STIM1: variants seen among roughly 807,000 people sequenced by gnomAD.
The protein encoded by STIM1 is stromal interaction molecule 1.
A neutral mutation model predicts 74.7 loss-of-function variants in STIM1; 25 were observed. The ratio of observed to expected loss-of-function variants is 0.33; its 90% CI spans 0.24 to 0.47. The LOEUF (loss-of-function observed/expected upper bound fraction) is 0.47. Among genes scored for constraint, STIM1 ranks in the 20% least tolerant of loss-of-function variants. The pLI, the probability that STIM1 is intolerant of heterozygous loss-of-function variation, is 1.00. For missense variants in STIM1, 728 were observed against 920.8 expected (o/e 0.79, Z 2.71); for synonymous variants, 328 against 348.8 (o/e 0.94, Z 0.66).
chr11:4,006,070 A>T (rs1284173004), intron 2 of STIM1, among the ~76,000 whole-genome samples: 1 of 152,154 alleles, frequency 6.6e-6, no homozygotes, highest in East Asian at 1.9e-4. Flanking sequence ...TTGAATTGTA[A>T]TCCCCAGTGC....
chr11:4,038,622 G>T (rs1338839405), intron 3 of STIM1, among the ~76,000 whole-genome samples: 2 of 152,110 alleles, frequency 1.3e-5, no homozygotes, highest in African/African-American at 4.8e-5. Flanking sequence ...TTTCATATAT[G>T]TTGTCTTTTT....
At chr11:3,974,301 T>C (rs2093424855) in intron 2 of STIM1, 1 of 289,510 alleles carries the variant, frequency 3.5e-6, no homozygotes, top group African/African-American at 2.2e-5. Context: ...AAAAAGCCAT[T>C]CTCGTTTCTA....
rs112706563 is a variant in STIM1, at chr11:3,932,648, C to T, written c.140-34904C>T. 7.3e-3 allele frequency among the ~76,000 whole-genome samples: 834 copies of T among 114,928 alleles called. 2 individuals carry two copies. Among genetic ancestry groups the T allele is most frequent in the African/African-American group, 0.027 (798 of 29,772 alleles). The allele number at this position is 114,928 out of a possible 152,430, so 75.4% of individuals were successfully genotyped here. A position where few individuals can be genotyped will look rare whatever the true frequency, so the allele number is the denominator to read the frequency against. ...CTGCACTCCAGCCTGGGCAAGAGTG[C>T]AAGACTCTGTCTCAAAGGAAAAAAA... is the stretch of plus-strand genomic sequence containing the variant. On this transcript the variant is annotated intron_variant, in intron 1 of 12. Coordinates refer to ENST00000526596, the MANE Select transcript of STIM1 (RefSeq NM_001382567.1).
At chr11:3,904,721 G>C (rs975292758) in intron 1 of STIM1, among the ~76,000 whole-genome samples, 16 of 152,114 alleles carry the variant, frequency 1.1e-4, no homozygotes, top group Admixed American at 7.9e-4. Flanking sequence ...GAAGGAGGCA[G>C]TGTTAGGTGA....
chr11:3,958,966 AG>A (rs1423461773), intron 1 of STIM1, among the ~76,000 whole-genome samples: 1 of 151,094 alleles, frequency 6.6e-6, no homozygotes, highest in Non-Finnish European at 1.5e-5. Flanking sequence ...AAAAAAAAAA[AG>A]ACTTTACATT....
chr11:4,014,962 T>A (rs1307150778), intron 2 of STIM1, among the ~76,000 whole-genome samples: 2 of 152,202 alleles, frequency 1.3e-5, no homozygotes, highest in South Asian at 2.1e-4. Flanking sequence ...GTGAGATGGG[T>A]CTCCTGAATA....
intron 9 of STIM1, 77 bp downstream of exon 9, chr11:4,083,059 C>T (rs2094473629): frequency 6.7e-6 from 9 of 1,340,770 alleles, no homozygotes; most frequent in Middle Eastern, 1.8e-4. Flanking sequence ...GCCTCCAACA[C>T]CAATTCCATT....
rs2093637839 is a variant in STIM1 at position 3,993,908 on chromosome 11, G to C, written c.270+26226G>C. Among the ~76,000 whole-genome samples, 3 of 152,242 alleles carry C rather than the reference G, an allele frequency of 2.0e-5. No individual in the cohort carries two copies. In the South Asian group the frequency reaches 6.2e-4, roughly 32 times the overall value. On this transcript the variant is annotated intron_variant, in intron 2 of 12. Transcript: ENST00000526596. ...ATTGCCTAGAATATAAAGTTCATAA[G>C]GGAAAGGGATCTGTTTTGTTCACTG... is the stretch of plus-strand genomic sequence containing the variant.
At chr11:3,925,493 A>G (rs2092776661) in intron 1 of STIM1, among the ~76,000 whole-genome samples, 2 of 152,346 alleles carry the variant, frequency 1.3e-5, no homozygotes, top group South Asian at 4.1e-4. Flanking sequence ...TTTACCAATA[A>G]TATGTTCCTG....
chr11:4,003,642 G>C (rs2093744933), intron 2 of STIM1, among the ~76,000 whole-genome samples: 1 of 152,066 alleles, frequency 6.6e-6, no homozygotes, highest in African/African-American at 2.4e-5. Flanking sequence ...ATACTGAATG[G>C]GCAAAAACTG....
chr11:3,938,620 G>A (rs1177943140), intron 1 of STIM1, among the ~76,000 whole-genome samples: 1 of 152,120 alleles, frequency 6.6e-6, no homozygotes, highest in African/African-American at 2.4e-5. Context: ...GCTGAGGTGG[G>A]CACATCACCT....
At chr11:4,034,285 T>C (rs1476512390) in intron 3 of STIM1, among the ~76,000 whole-genome samples, 1 of 151,940 alleles carries the variant, frequency 6.6e-6, no homozygotes, top group Non-Finnish European at 1.5e-5. Flanking sequence ...TAATGTTGGC[T>C]GTGGGTTTTT....
Position 4,079,998 on chromosome 11 carries a change from C to T in STIM1, c.970-2186C>T, listed in dbSNP as rs75412689. On this transcript the variant is annotated intron_variant, in intron 7 of 12. Coordinates refer to ENST00000526596, the MANE Select transcript of STIM1 (RefSeq NM_001382567.1). ...TTTGGGAGGCAAAGGGCAGGCAGATCGCTTGAGCCCAGGAGTTTGAAACCA... is the reference window on the plus strand; with the variant it reads ...TTTGGGAGGCAAAGGGCAGGCAGATTGCTTGAGCCCAGGAGTTTGAAACCA... 6.8e-3 allele frequency among the ~76,000 whole-genome samples: 1,035 copies of T among 152,074 alleles called. 9 individuals carry two copies. The highest frequency in any genetic ancestry group is 0.017 in the Middle Eastern group (5 of 294).
intron 1 of STIM1, among the ~76,000 whole-genome samples, chr11:3,890,937 C>T (rs2091875750): frequency 6.6e-6 from 1 of 152,220 alleles, no homozygotes; most frequent in Admixed American, 6.5e-5. Flanking sequence ...GAGCTCTAAA[C>T]TTGTAAAAGA....
chr11:4,061,801 T>C (rs544664978), intron 5 of STIM1, among the ~76,000 whole-genome samples: 1 of 152,370 alleles, frequency 6.6e-6, no homozygotes, highest in African/African-American at 2.4e-5. Flanking sequence ...ATTATTCACC[T>C]ATAAATGGAA....
intron 1 of STIM1, among the ~76,000 whole-genome samples, chr11:3,966,750 A>C (rs2093344088): frequency 6.6e-6 from 1 of 152,206 alleles, no homozygotes; most frequent in African/African-American, 2.4e-5. Context: ...AGCTAAGCCT[A>C]GATTTCAGGC....
intron 1 of STIM1, among the ~76,000 whole-genome samples, chr11:3,912,103 C>T (rs1166160033): frequency 6.6e-6 from 1 of 151,534 alleles, no homozygotes. Context: ...CCATTCCCTT[C>T]TCCTTTCCCT....
chr11:3,995,350 TG>T (rs1461771250), intron 2 of STIM1, among the ~76,000 whole-genome samples: 1 of 152,212 alleles, frequency 6.6e-6, no homozygotes, highest in African/African-American at 2.4e-5. Flanking sequence ...ATTTAATGAC[TG>T]GCTAGATTGT....
intron 1 of STIM1, among the ~76,000 whole-genome samples, chr11:3,943,913 G>C (rs1453734673): frequency 6.6e-6 from 1 of 152,184 alleles, no homozygotes; most frequent in African/African-American, 2.4e-5. Context: ...AGTGACAGAA[G>C]CAAATGTATT....
Sources: allele counts gnomAD v4.1 joint callset (sites outside exome capture counted in the v4.1 genomes callset), GRCh38; gene constraint gnomAD v4.1.1; transcripts MANE v1.5; gene names NCBI Gene and HGNC (gene_info 2026-07-23, HGNC 2026-07-21).